The following ATP2B1 variants were observed in gnomAD, a reference collection of about 807,000 sequenced individuals.
ATP2B1 encodes plasma membrane calcium-transporting ATPase 1.
A neutral mutation model predicts 124.2 loss-of-function variants in ATP2B1; 14 were observed. The ratio of observed to expected loss-of-function variants is 0.11; its 90% CI spans 0.07 to 0.18. ATP2B1 has a LOEUF of 0.18. ATP2B1 is among the 10% of genes least tolerant of loss of function. ATP2B1 has a pLI of 1.00. For missense variants in ATP2B1, 763 were observed against 1,466.1 expected, an observed-to-expected ratio of 0.52 and a Z score of 7.83; for synonymous variants, 449 against 492.4, an observed-to-expected ratio of 0.91 and a Z score of 1.17.
intron 1 of ATP2B1, among the ~76,000 whole-genome samples, chr12:89,670,978 G>C (rs1016427833): frequency 1.3e-5 from 2 of 150,800 alleles, no homozygotes; most frequent in African/African-American, 4.9e-5. Flanking sequence ...GGGTGGGGGG[G>C]CTCAGACCTC....
intron 10 of ATP2B1, among the ~76,000 whole-genome samples, chr12:89,621,060 C>T (rs994055435): frequency 6.6e-6 from 1 of 151,996 alleles, no homozygotes; most frequent in African/African-American, 2.4e-5. Flanking sequence ...TATGGTGGCA[C>T]AAGTCTAGAA....
intron 1 of ATP2B1, among the ~76,000 whole-genome samples, chr12:89,677,046 G>C (rs11105365): frequency 0.037 from 1,042 of 27,994 alleles, 3 homozygotes; most frequent in Non-Finnish European, 0.06. Flanking sequence ...ACCAAACAAA[G>C]AAACAAACAA....
At chr12:89,624,030 A>G (rs1275339872) in intron 9 of ATP2B1, among the ~76,000 whole-genome samples, 153 bp downstream of exon 9, 4 of 152,182 alleles carry the variant, frequency 2.6e-5, no homozygotes, top group Non-Finnish European at 4.4e-5. Context: ...TGGGAGGTAC[A>G]GGGCATCAAT....
intron 14 of ATP2B1, 131 bp from the exon 15 acceptor site, chr12:89,610,174 C>A: frequency 1.1e-6 from 1 of 927,126 alleles, no homozygotes; most frequent in South Asian, 1.8e-5. Flanking sequence ...ATGGAAATTG[C>A]TTAGATGTTG....
intron 20 of ATP2B1, 38 bp downstream of exon 20, chr12:89,599,079 C>T (rs762706417): frequency 3.7e-5 from 59 of 1,592,670 alleles, no homozygotes; most frequent in Non-Finnish European, 4.8e-5. Context: ...AAAGCCCTGG[C>T]TCCCATCATC....
chr12:89,588,189 T>G lies in ATP2B1; in HGVS notation c.*2795A>C, dbSNP rs557782456. On this transcript the variant is annotated 3_prime_UTR_variant, in exon 21 of 21. Transcript: ENST00000428670. ...AATCAACACCATCACGGTATCTCAG[T>G]TGGCTTACACGTGTAAAAAGAAATT... is the stretch of plus-strand genomic sequence containing the variant. The G allele has an allele frequency of 6.5e-6, 1 of 152,758 alleles. No homozygotes were observed. Among genetic ancestry groups the G allele is most frequent in the East Asian group, 1.9e-4 (1 of 5,186 alleles). The allele number at this position is 152,758 out of a possible 1,614,324, so 9.5% of individuals were successfully genotyped here.
chr12:89,706,877 C>T (rs1355554493), intron 1 of ATP2B1, among the ~76,000 whole-genome samples: 1 of 151,970 alleles, frequency 6.6e-6, no homozygotes, highest in Non-Finnish European at 1.5e-5. Flanking sequence ...CAGTTACACC[C>T]AAGCCAAAAT....
At chr12:89,629,079 G>A (rs1881415525) in intron 6 of ATP2B1, among the ~76,000 whole-genome samples, 1 of 152,178 alleles carries the variant, frequency 6.6e-6, no homozygotes, top group Non-Finnish European at 1.5e-5. Flanking sequence ...TAAAACCAGT[G>A]TATAAGACTC....
chr12:89,601,729 C>A (rs1875886652), intron 18 of ATP2B1, among the ~76,000 whole-genome samples: 1 of 152,136 alleles, frequency 6.6e-6, no homozygotes, highest in Non-Finnish European at 1.5e-5. Flanking sequence ...AAGTAAAATT[C>A]TTATGACCAA....
At chr12:89,682,612 C>T (rs753910849) in intron 1 of ATP2B1, among the ~76,000 whole-genome samples, 5 of 152,054 alleles carry the variant, frequency 3.3e-5, no homozygotes, top group Non-Finnish European at 7.4e-5. Flanking sequence ...GGAGAGGAAG[C>T]AAAAATGGAC....
chr12:89,661,627 G>A (rs1441905419), intron 1 of ATP2B1, among the ~76,000 whole-genome samples: 4 of 152,090 alleles, frequency 2.6e-5, no homozygotes, highest in African/African-American at 9.7e-5. Flanking sequence ...CTTCGAAACT[G>A]GTACTGACAC....
At chr12:89,649,139 C>T (rs1266685984) in intron 2 of ATP2B1, among the ~76,000 whole-genome samples, 1 of 152,236 alleles carries the variant, frequency 6.6e-6, no homozygotes, top group Non-Finnish European at 1.5e-5. Context: ...GTTGGAGCAC[C>T]CACAAAGTCC....
At chr12:89,611,471 AATG>A (rs1878004301) in intron 12 of ATP2B1, 99 bp from the exon 13 acceptor site, 9 of 884,074 alleles carry the variant, frequency 1.0e-5, no homozygotes, top group Non-Finnish European at 1.3e-5. Flanking sequence ...TAGTCCCCCA[AATG>A]ATGACAATGA....
chr12:89,617,744 A>G (rs1240150683), intron 11 of ATP2B1, among the ~76,000 whole-genome samples: 1 of 152,068 alleles, frequency 6.6e-6, no homozygotes, highest in Admixed American at 6.6e-5. Context: ...TTGTTTTTCA[A>G]AGCTTTCCAT....
Position 89,621,800 on chromosome 12 carries a change from AC to A in ATP2B1, c.1345-10del. Reference sequence around the variant, plus strand: ...TTATCTTTCATCATTTTCTACAGTGACCAAAAAAAAAAAACTAGTTAAGCTG... The same window carrying A: ...TTATCTTTCATCATTTTCTACAGTGACAAAAAAAAAAAACTAGTTAAGCTG... On this transcript the variant is annotated splice_polypyrimidine_tract_variant and intron_variant, in intron 9 of 20. Coordinates refer to ENST00000428670, the MANE Select transcript of ATP2B1 (RefSeq NM_001366521.1). 2 of 1,354,474 alleles carry A rather than the reference AC, an allele frequency of 1.5e-6. No individual in the cohort carries two copies. The highest frequency in any genetic ancestry group is 1.5e-5 in the South Asian group (1 of 67,114). 83.9% of individuals were successfully genotyped at this position (1,354,474 alleles called of 1,614,324 possible).
intron 2 of ATP2B1, among the ~76,000 whole-genome samples, chr12:89,643,923 A>C (rs965018579): frequency 6.6e-6 from 1 of 152,186 alleles, no homozygotes; most frequent in African/African-American, 2.4e-5. Context: ...GGAGTTCAAG[A>C]CCAGCCTGCC....
chr12:89,615,763 T>C (rs141866693), intron 12 of ATP2B1, among the ~76,000 whole-genome samples: 3 of 152,282 alleles, frequency 2.0e-5, no homozygotes, highest in East Asian at 3.9e-4. Flanking sequence ...TACAGTACAG[T>C]AGTCTTTTAA....
At chr12:89,669,256 TGC>T (rs915461497) in intron 1 of ATP2B1, among the ~76,000 whole-genome samples, 1 of 152,196 alleles carries the variant, frequency 6.6e-6, no homozygotes, top group African/African-American at 2.4e-5. Context: ...AACAGTACCT[TGC>T]CCACAGAAAC....
chr12:89,697,340 G>A (rs1456124810), intron 1 of ATP2B1, among the ~76,000 whole-genome samples: 1 of 152,082 alleles, frequency 6.6e-6, no homozygotes, highest in African/African-American at 2.4e-5. Flanking sequence ...AAAGAAATGA[G>A]GAATCTGGAT....
Sources: allele counts gnomAD v4.1 joint callset (sites outside exome capture counted in the v4.1 genomes callset), GRCh38; gene constraint gnomAD v4.1.1; transcripts MANE v1.5; gene names NCBI Gene and HGNC (gene_info 2026-07-23, HGNC 2026-07-21).